The following PDE1A variants were observed in gnomAD, a reference collection of about 807,000 sequenced individuals.
PDE1A encodes the protein phosphodiesterase 1A.
Under a neutral mutation model 61.7 loss-of-function variants are expected in PDE1A, and 35 were observed. The observed-to-expected ratio is 0.57, with a 90% CI of 0.43 to 0.75. The LOEUF (loss-of-function observed/expected upper bound fraction) is 0.75, where lower values mean the gene tolerates loss of function less well. Among genes scored for constraint, PDE1A ranks in the 30% least tolerant of loss-of-function variants. The pLI, the probability that PDE1A is intolerant of heterozygous loss-of-function variation, is 0.00. For missense variants in PDE1A, 597 were observed against 630.6 expected, an observed-to-expected ratio of 0.95 and a Z score of 0.57; for synonymous variants, 232 against 213.2, an observed-to-expected ratio of 1.09 and a Z score of -0.77.
the PDE1A span, among the ~76,000 whole-genome samples, chr2:182,653,326 C>T: frequency 5.3e-5 from 8 of 152,174 alleles, no homozygotes; most frequent in Non-Finnish European, 1.2e-4. Context: ...CCATGAGAGA[C>T]ACCTCGCTAT....
chr2:182,462,025 C>T (rs6760364), intron 2 of PDE1A, among the ~76,000 whole-genome samples: 27,611 of 152,034 alleles, frequency 0.18, 3,063 homozygotes, highest in Middle Eastern at 0.35. Flanking sequence ...ACCAAGGGGG[C>T]TCATTCTCTT....
chr2:182,241,711 T>TAAAC, intron 2 of PDE1A: 1 of 680,610 alleles, frequency 1.5e-6, no homozygotes, highest in Non-Finnish European at 2.2e-6. Context: ...TTATAAAAAA[T>TAAAC]AAACATAAGT....
intron 11 of PDE1A, among the ~76,000 whole-genome samples, 184 bp from the exon 12 acceptor site, chr2:182,186,772 T>C (rs1160808009): frequency 1.3e-5 from 2 of 152,248 alleles, no homozygotes; most frequent in Non-Finnish European, 2.9e-5. Flanking sequence ...ATGGTTTAAC[T>C]GCTCTATAAA....
the PDE1A span, among the ~76,000 whole-genome samples, chr2:182,546,279 T>C: frequency 6.6e-6 from 1 of 152,120 alleles, no homozygotes; most frequent in African/African-American, 2.4e-5. Context: ...CCAGGGTGTC[T>C]GATACACACC....
intron 8 of PDE1A, among the ~76,000 whole-genome samples, chr2:182,203,328 AC>A (rs1574676559): frequency 6.6e-6 from 1 of 151,958 alleles, no homozygotes; most frequent in African/African-American, 2.4e-5. Context: ...TGAAAAAAAA[AC>A]AAAACAAAAC....
chr2:182,264,994 G>A (rs1407659805), intron 1 of PDE1A, among the ~76,000 whole-genome samples: 2 of 150,918 alleles, frequency 1.3e-5, no homozygotes, highest in South Asian at 2.1e-4. Context: ...TTCTAAGTTA[G>A]GTGACTCAGG....
At chr2:182,688,648 A>T in the PDE1A span, among the ~76,000 whole-genome samples, 1 of 152,216 alleles carries the variant, frequency 6.6e-6, no homozygotes, top group East Asian at 1.9e-4. Flanking sequence ...AGCTAACATC[A>T]TAATGACAGG....
downstream of PDE1A, among the ~76,000 whole-genome samples, chr2:182,146,641 C>A (rs965506666): frequency 3.3e-5 from 5 of 152,070 alleles, no homozygotes; most frequent in African/African-American, 1.2e-4. Context: ...CCTGCCACCA[C>A]ACCCAGCTAA....
intron 1 of PDE1A, chr2:182,522,586 A>G: frequency 7.3e-7 from 1 of 1,367,516 alleles, no homozygotes; most frequent in Non-Finnish European, 9.5e-7. Context: ...CCACCCCCCT[A>G]AGCAGACAGC....
chr2:182,446,035 G>A (rs1197455009), intron 2 of PDE1A, among the ~76,000 whole-genome samples: 1 of 152,060 alleles, frequency 6.6e-6, no homozygotes, highest in African/African-American at 2.4e-5. Context: ...AGATAAAAAT[G>A]CCAAGTACAC....
At chr2:182,279,220 A>T (rs1412084132) in intron 1 of PDE1A, among the ~76,000 whole-genome samples, 1 of 151,948 alleles carries the variant, frequency 6.6e-6, no homozygotes. Context: ...CAGATTTTCA[A>T]CAACGGTCTG....
chr2:182,711,243 G>A, the PDE1A span, among the ~76,000 whole-genome samples: 13 of 152,246 alleles, frequency 8.5e-5, no homozygotes, highest in South Asian at 4.1e-4. Flanking sequence ...ATAAGGTAGC[G>A]GGGCAATCAC....
intron 2 of PDE1A, among the ~76,000 whole-genome samples, chr2:182,254,660 AATG>A (rs1000021541): frequency 6.6e-5 from 10 of 152,170 alleles, no homozygotes; most frequent in African/African-American, 2.4e-4. Flanking sequence ...TGAAAAAAAC[AATG>A]ATTAGAGACT....
At chr2:182,670,861 T>C in the PDE1A span, among the ~76,000 whole-genome samples, 2 of 152,184 alleles carry the variant, frequency 1.3e-5, no homozygotes, top group South Asian at 4.2e-4. Flanking sequence ...TCTGTCGTCC[T>C]GGCTGGAGTG....
At chr2:182,191,254 AAGG>A (rs772616061) in intron 10 of PDE1A, among the ~76,000 whole-genome samples, 2 of 152,058 alleles carry the variant, frequency 1.3e-5, no homozygotes, top group Non-Finnish European at 2.9e-5. Flanking sequence ...TGCGAATGGA[AAGG>A]AGGAGTCTGT....
At chr2:182,398,743 G>GT (rs1234578175) in intron 1 of PDE1A, among the ~76,000 whole-genome samples, 3 of 151,948 alleles carry the variant, frequency 2.0e-5, no homozygotes, top group Non-Finnish European at 4.4e-5. Context: ...AATCTTACTA[G>GT]TTTTTTCATT....
At chr2:182,447,752 C>T (rs1379199353) in intron 2 of PDE1A, among the ~76,000 whole-genome samples, 3 of 152,070 alleles carry the variant, frequency 2.0e-5, no homozygotes, top group Admixed American at 2.0e-4. Flanking sequence ...ATGTCCATGA[C>T]ACATTTCCCT....
the PDE1A span, among the ~76,000 whole-genome samples, chr2:182,672,765 G>A: frequency 2.6e-5 from 4 of 152,188 alleles, no homozygotes; most frequent in Admixed American, 6.5e-5. Context: ...TGCCTGCCAC[G>A]TCCTTCTGTT....
At chr2:182,664,855 C>G in the PDE1A span, among the ~76,000 whole-genome samples, 3 of 152,070 alleles carry the variant, frequency 2.0e-5, no homozygotes, top group African/African-American at 7.2e-5. Flanking sequence ...TAAAGAGATA[C>G]GTAAGTCAAA....
Sources: gnomAD v4.1 joint callset for allele counts (sites outside exome capture counted in the v4.1 genomes callset) on GRCh38, gnomAD v4.1.1 for gene constraint, MANE v1.5 for transcripts, NCBI Gene and HGNC (gene_info 2026-07-23, HGNC 2026-07-21) for gene names.